Variants in RGS6 observed in about 807,000 individuals in gnomAD.
The protein encoded by RGS6 is regulator of G protein signaling 6.
Under a neutral mutation model 78.5 loss-of-function variants are expected in RGS6, and 30 were observed. That is an observed-to-expected ratio of 0.38 (90% confidence interval 0.29 to 0.52). The LOEUF (loss-of-function observed/expected upper bound fraction) is 0.52, where lower values mean the gene tolerates loss of function less well. Among genes scored for constraint, RGS6 ranks in the 20% least tolerant of loss-of-function variants. The pLI, the probability that RGS6 is intolerant of heterozygous loss-of-function variation, is 0.85. For missense variants in RGS6, 495 were observed against 609.7 expected (o/e 0.81, Z 1.98); for synonymous variants, 206 against 206.0 (o/e 1.00, Z 0.00).
intron 3 of RGS6, among the ~76,000 whole-genome samples, chr14:72,433,942 G>T (rs2094780655): frequency 6.6e-6 from 1 of 152,250 alleles, no homozygotes; most frequent in Admixed American, 6.5e-5. Context: ...GTAAATGTTT[G>T]CTGATGTTGT....
chr14:72,374,745 T>C (rs977539825), intron 3 of RGS6, among the ~76,000 whole-genome samples: 6 of 152,354 alleles, frequency 3.9e-5, no homozygotes, highest in South Asian at 4.1e-4. Context: ...TGTAATTATA[T>C]TCAGATTATA....
chr14:71,934,839 A>G (rs1031678872), intron 1 of RGS6, among the ~76,000 whole-genome samples: 6 of 152,206 alleles, frequency 3.9e-5, no homozygotes, highest in Admixed American at 6.5e-5. Flanking sequence ...TTATCCCCTG[A>G]ACTCCTAAGA....
the RGS6 span, among the ~76,000 whole-genome samples, chr14:71,908,621 C>T: frequency 2.0e-5 from 3 of 152,082 alleles, no homozygotes; most frequent in Non-Finnish European, 4.4e-5. Context: ...CACAATGAGG[C>T]CACAGGAGGG....
chr14:72,152,613 T>C (rs1160253252), intron 2 of RGS6, among the ~76,000 whole-genome samples: 1 of 152,168 alleles, frequency 6.6e-6, no homozygotes, highest in East Asian at 1.9e-4. Flanking sequence ...CAGTAAGATA[T>C]GTCAGGTCAA....
chr14:72,224,469 T>A (rs1314357925), intron 2 of RGS6, among the ~76,000 whole-genome samples: 13 of 145,946 alleles, frequency 8.9e-5, no homozygotes, highest in South Asian at 2.2e-4. Context: ...TTTTTTTTTT[T>A]ATATACTTTA....
chr14:72,269,107 A>G (rs530224253), intron 2 of RGS6, among the ~76,000 whole-genome samples: 1 of 148,420 alleles, frequency 6.7e-6, no homozygotes, highest in East Asian at 2.0e-4. Flanking sequence ...CTCTACTTGT[A>G]AGATATACCC....
At chr14:72,072,890 T>C (rs2094456084) in intron 2 of RGS6, among the ~76,000 whole-genome samples, 1 of 152,232 alleles carries the variant, frequency 6.6e-6, no homozygotes, top group South Asian at 2.1e-4. Flanking sequence ...TGGCTGCACA[T>C]TGGACAACCT....
intron 12 of RGS6, among the ~76,000 whole-genome samples, chr14:72,488,032 T>A (rs1035006756): frequency 6.6e-6 from 1 of 152,212 alleles, no homozygotes; most frequent in Non-Finnish European, 1.5e-5. Context: ...TTCCCATCAA[T>A]AAAATACAAC....
rs2097314335 is a variant in RGS6, at chr14:72,540,743, C to T, written c.1422+649C>T. The T allele has an allele frequency of 1.2e-5, 16 of 1,280,578 alleles. No individual in the cohort carries two copies. The South Asian group carries it at 1.7e-4, about 13-fold the overall frequency. The allele number at this position is 1,280,578 out of a possible 1,614,324, so 79.3% of individuals were successfully genotyped here. ...GAAGTAGCTGAATCCCTGCGGTGTC[C>T]TGGGTACTCCCCGGGGGCAAGGTCC... On this transcript the variant is annotated intron_variant, in intron 17 of 17. Coordinates refer to ENST00000553525, the MANE Select transcript of RGS6 (RefSeq NM_001204424.2).
the RGS6 span, among the ~76,000 whole-genome samples, chr14:71,897,225 AGC>A: frequency 6.6e-6 from 1 of 152,244 alleles, no homozygotes; most frequent in Non-Finnish European, 1.5e-5. Flanking sequence ...CCAGCAAGGC[AGC>A]ATTGGTGAAG....
intron 1 of RGS6, among the ~76,000 whole-genome samples, chr14:71,939,814 T>C (rs1243780137): frequency 6.6e-6 from 1 of 152,256 alleles, no homozygotes; most frequent in Non-Finnish European, 1.5e-5. Flanking sequence ...TCCCTGCATC[T>C]TTCAAGTCCC....
At chr14:72,417,456 A>G (rs2093898004) in intron 3 of RGS6, among the ~76,000 whole-genome samples, 1 of 152,230 alleles carries the variant, frequency 6.6e-6, no homozygotes, top group African/African-American at 2.4e-5. Flanking sequence ...AGGTGTAAAA[A>G]GCCAGGCTGA....
intron 2 of RGS6, among the ~76,000 whole-genome samples, chr14:72,070,473 A>G: frequency 1.3e-5 from 2 of 152,154 alleles, no homozygotes; most frequent in Non-Finnish European, 2.9e-5. Context: ...ATCCATGGCC[A>G]AGATTTGAGA....
chr14:72,549,032 C>G (rs1238841700), intron 17 of RGS6, among the ~76,000 whole-genome samples: 3 of 152,132 alleles, frequency 2.0e-5, no homozygotes, highest in African/African-American at 7.2e-5. Flanking sequence ...GACTGCATTT[C>G]ATTCTGTGGT....
intron 2 of RGS6, among the ~76,000 whole-genome samples, chr14:72,110,388 G>T (rs1233822366): frequency 6.6e-6 from 1 of 152,106 alleles, no homozygotes; most frequent in Admixed American, 6.5e-5. Flanking sequence ...CATCACTGTG[G>T]GCACCATGGT....
At chr14:72,399,254 C>T (rs181440479) in intron 3 of RGS6, among the ~76,000 whole-genome samples, 1 of 152,150 alleles carries the variant, frequency 6.6e-6, no homozygotes, top group Non-Finnish European at 1.5e-5. Flanking sequence ...GTTAGTTCTT[C>T]TTGTTGTATT....
intron 2 of RGS6, among the ~76,000 whole-genome samples, chr14:72,239,219 A>G (rs757065295): frequency 6.6e-6 from 1 of 152,152 alleles, no homozygotes; most frequent in Non-Finnish European, 1.5e-5. Context: ...CTGCATGCAC[A>G]GTGCCCTCCT....
intron 2 of RGS6, among the ~76,000 whole-genome samples, chr14:72,067,092 T>C (rs1387585385): frequency 6.6e-6 from 1 of 152,222 alleles, no homozygotes; most frequent in African/African-American, 2.4e-5. Context: ...TCCAAGTCTT[T>C]GCTATTGTAA....
chr14:71,985,425 A>T (rs961020614), intron 2 of RGS6, among the ~76,000 whole-genome samples: 1 of 152,176 alleles, frequency 6.6e-6, no homozygotes, highest in African/African-American at 2.4e-5. Context: ...CCTGGCTATC[A>T]TAGTTTTAAA....
Sources: allele counts gnomAD v4.1 joint callset (sites outside exome capture counted in the v4.1 genomes callset), GRCh38; gene constraint gnomAD v4.1.1; transcripts MANE v1.5; gene names NCBI Gene and HGNC (gene_info 2026-07-23, HGNC 2026-07-21).